Variants in ARHGEF10L observed in about 807,000 individuals in gnomAD.
ARHGEF10L encodes the protein Rho guanine nucleotide exchange factor 10 like.
A neutral mutation model predicts 141.2 loss-of-function variants in ARHGEF10L; 69 were observed. The observed-to-expected ratio is 0.49, with a 90% confidence interval of 0.40 to 0.60. ARHGEF10L has a LOEUF of 0.60. Ranked by LOEUF, ARHGEF10L falls within the 20% of genes least tolerant of loss-of-function variation. The pLI is 0.00. For synonymous variants in ARHGEF10L, 711 were observed against 718.5 expected (o/e 0.99, Z 0.17); for missense variants, 1,482 against 1,734.3 (o/e 0.85, Z 2.58).
At chr1:17,595,640 G>C (rs2080020624) in intron 4 of ARHGEF10L, among the ~76,000 whole-genome samples, 1 of 152,118 alleles carries the variant, frequency 6.6e-6, no homozygotes, top group Non-Finnish European at 1.5e-5. Flanking sequence ...ACGGGGTCCT[G>C]GAAGCCCTCT....
chr1:17,684,551 C>A (rs1276738923), intron 26 of ARHGEF10L, among the ~76,000 whole-genome samples: 1 of 152,138 alleles, frequency 6.6e-6, no homozygotes, highest in Non-Finnish European at 1.5e-5. Flanking sequence ...AAGAGACCCC[C>A]GATACCTCTG....
intron 16 of ARHGEF10L, 76 bp downstream of exon 16, chr1:17,632,542 C>G (rs990964165): frequency 6.2e-5 from 99 of 1,585,514 alleles, no homozygotes; most frequent in Non-Finnish European, 8.5e-5. Flanking sequence ...GTCTCTTGGC[C>G]GGCCGCACTA....
In ARHGEF10L at chr1:17,607,681, G is replaced by A. The variant is rs1429094019; in HGVS notation, c.434-121G>A. On this transcript the variant is annotated intron_variant, in intron 6 of 28. Coordinates refer to ENST00000361221, the MANE Select transcript of ARHGEF10L (RefSeq NM_018125.4). This position sits in a 1 kb window ranked among gnomAD's most constrained non-coding sequence, Gnocchi z 4.5. ...GAGGAGGTAGAGCTGGAGCCCCAGG[G>A]CCCCCATGTTCTCCCTGACCCCCCC... is the stretch of plus-strand genomic sequence containing the variant. The A allele has an allele frequency of 5.1e-6, 5 of 978,654 alleles. No homozygotes were observed. In the African/African-American group the frequency reaches 5.2e-5, roughly 10 times the overall value. The allele number at this position is 978,654 out of a possible 1,614,324, so 60.6% of individuals were successfully genotyped here. A position where few individuals can be genotyped will look rare whatever the true frequency, so the allele number is the denominator to read the frequency against.
At chr1:17,602,915 G>A (rs901863080) in intron 5 of ARHGEF10L, among the ~76,000 whole-genome samples, 1 of 152,062 alleles carries the variant, frequency 6.6e-6, no homozygotes, top group African/African-American at 2.4e-5. Context: ...AGGACAGGAA[G>A]TCTGAGGGTG....
intron 1 of ARHGEF10L, among the ~76,000 whole-genome samples, chr1:17,576,070 A>G (rs1469532379): frequency 1.3e-5 from 2 of 152,096 alleles, no homozygotes; most frequent in Non-Finnish European, 2.9e-5. Context: ...TCCTCAAGGC[A>G]CGACTTGCGC....
rs185959444 is a variant in ARHGEF10L at position 17,619,058 on chromosome 1, G to A, written c.836-281G>A. ...TGGCTTCTGGCAGCATGGACGCCGAGAACCCAGGCCCCACAGGACGCAGCT... is the reference window on the plus strand; with the variant it reads ...TGGCTTCTGGCAGCATGGACGCCGAAAACCCAGGCCCCACAGGACGCAGCT... On this transcript the variant is annotated intron_variant, in intron 9 of 28. Transcript: ENST00000361221. The surrounding 1 kb of genome is among the most constrained non-coding windows in gnomAD (Gnocchi z 5.0). Among the ~76,000 whole-genome samples the A allele has an allele frequency of 2.0e-4, 30 of 152,314 alleles. No individual in the cohort carries two copies. The East Asian group carries it at 5.4e-3, about 27-fold the overall frequency.
intron 16 of ARHGEF10L, 154 bp from the exon 17 acceptor site, chr1:17,634,394 C>T: frequency 8.0e-7 from 1 of 1,250,234 alleles, no homozygotes; most frequent in Non-Finnish European, 1.2e-6. Context: ...CTGTCCACAC[C>T]TGGCCTCTGA....
chr1:17,676,915 C>A (rs2063758493), intron 26 of ARHGEF10L, among the ~76,000 whole-genome samples: 1 of 151,864 alleles, frequency 6.6e-6, no homozygotes, highest in Non-Finnish European at 1.5e-5. Context: ...TCCATGGAGC[C>A]CAACTGCCTC....
chr1:17,541,891 C>T (rs989022609), intron 1 of ARHGEF10L, among the ~76,000 whole-genome samples: 3 of 151,950 alleles, frequency 2.0e-5, no homozygotes, highest in South Asian at 2.1e-4. Context: ...CGCTTGAACC[C>T]GGGAAGTGCA....
intron 1 of ARHGEF10L, among the ~76,000 whole-genome samples, chr1:17,541,035 C>T (rs1051591836): frequency 1.3e-5 from 2 of 152,192 alleles, no homozygotes; most frequent in African/African-American, 4.8e-5. Flanking sequence ...GGGGACTGCC[C>T]TTCCCCTTCA....
intron 4 of ARHGEF10L, 90 bp from the exon 5 acceptor site, chr1:17,602,037 C>A: frequency 8.1e-7 from 1 of 1,239,342 alleles, no homozygotes; most frequent in Non-Finnish European, 1.1e-6. Flanking sequence ...CCACTTTTGC[C>A]CATCATGTCC....
intron 26 of ARHGEF10L, among the ~76,000 whole-genome samples, chr1:17,665,311 C>G (rs1294173313): frequency 6.6e-6 from 1 of 152,236 alleles, no homozygotes; most frequent in Non-Finnish European, 1.5e-5. Context: ...GCCTAGTTCT[C>G]TCTCATGCAG....
rs371837970 is a variant in ARHGEF10L, at chr1:17,634,566, C to T, written c.1745+4C>T. On this transcript the variant is annotated splice_donor_region_variant and intron_variant, in intron 17 of 28. Transcript: ENST00000361221. ...TTCCCAGGCCTGCCAACCACAGGTACGTGGTTCAGGGGGCTCCGGGGCTCT... is the reference window on the plus strand; with the variant it reads ...TTCCCAGGCCTGCCAACCACAGGTATGTGGTTCAGGGGGCTCCGGGGCTCT... The T allele has an allele frequency of 2.7e-5, 43 of 1,613,794 alleles. No individual in the cohort carries two copies. Among genetic ancestry groups the T allele is most frequent in the South Asian group, 5.5e-5 (5 of 91,040 alleles).
intron 1 of ARHGEF10L, among the ~76,000 whole-genome samples, chr1:17,540,273 C>T (rs1365195627): frequency 6.6e-6 from 1 of 151,482 alleles, no homozygotes; most frequent in Non-Finnish European, 1.5e-5. Context: ...CCCCCACCCC[C>T]ACCCTGTGCC....
At chr1:17,694,863 C>A in intron 27 of ARHGEF10L, 1 of 575,846 alleles carries the variant, frequency 1.7e-6, no homozygotes, top group Non-Finnish European at 3.3e-6. Flanking sequence ...GTATTGAGAG[C>A]GCACACAGAC....
chr1:17,551,515 GTA>G (rs2100722384), intron 1 of ARHGEF10L, among the ~76,000 whole-genome samples: 1 of 152,272 alleles, frequency 6.6e-6, no homozygotes, highest in South Asian at 2.1e-4. Flanking sequence ...TCTGTCCATT[GTA>G]CTAGGGGCTT....
chr1:17,689,812 G>A (rs780823538), intron 27 of ARHGEF10L: 13 of 455,776 alleles, frequency 2.9e-5, no homozygotes, highest in South Asian at 1.5e-4. Context: ...TTGGAATCTC[G>A]TCTTGTCTGC....
intron 5 of ARHGEF10L, 113 bp downstream of exon 5, chr1:17,602,331 C>T (rs1458616476): frequency 1.6e-6 from 2 of 1,256,186 alleles, no homozygotes; most frequent in Admixed American, 2.2e-5. Flanking sequence ...GGTTCATCCT[C>T]ACCGGGGGCT....
At chr1:17,637,482 G>A (rs115913760) in intron 18 of ARHGEF10L, among the ~76,000 whole-genome samples, 87 of 151,686 alleles carry the variant, frequency 5.7e-4, no homozygotes, top group African/African-American at 1.9e-3. Context: ...GGTAGGAACT[G>A]GATGTTACTT....
Sources: gnomAD v4.1 joint callset for allele counts (sites outside exome capture counted in the v4.1 genomes callset) on GRCh38, gnomAD v4.1.1 for gene constraint, Gnocchi (gnomAD v3.1) non-coding constraint, MANE v1.5 for transcripts, NCBI Gene and HGNC (gene_info 2026-07-23, HGNC 2026-07-21) for gene names.